Variants in USP8 observed in about 807,000 individuals in gnomAD.
USP8 encodes the protein ubiquitin carboxyl-terminal hydrolase 8.
USP8 carries 27 observed loss-of-function variants against 130.0 expected under a neutral mutation model. The ratio of observed to expected loss-of-function variants is 0.21; its 90% CI spans 0.15 to 0.29. USP8 has a LOEUF of 0.29. USP8 is among the 10% of genes least tolerant of loss of function. The probability of loss-of-function intolerance (pLI) is 1.00; values close to 1 mark genes in which losing one functional copy is unlikely to be tolerated. For missense variants in USP8, 1,029 were observed against 1,312.2 expected (o/e 0.78, Z 3.33); for synonymous variants, 392 against 444.1 (o/e 0.88, Z 1.48).
chr15:50,461,564 A>C (rs983932994), intron 5 of USP8, among the ~76,000 whole-genome samples: 1 of 152,138 alleles, frequency 6.6e-6, no homozygotes, highest in Non-Finnish European at 1.5e-5. Context: ...AAAAAATGTA[A>C]ACTACATAGG....
intron 2 of USP8, among the ~76,000 whole-genome samples, chr15:50,440,500 A>T (rs1433259790): frequency 1.3e-5 from 2 of 152,120 alleles, no homozygotes; most frequent in East Asian, 3.8e-4. Context: ...GTTAGGGAGG[A>T]TAGTTTTGGG....
rs184853947 is a variant in USP8 at position 50,467,036 on chromosome 15, G to A, written c.686+1845G>A. The stretch of plus-strand genomic sequence containing the variant: ...TGCACATCCTTTCTGAGATTGTTAA[G>A]CAGATTACTTCCATCAGTACTGAGC... On this transcript the variant is annotated intron_variant, in intron 7 of 19. Transcript: ENST00000307179. 207 of 586,598 alleles carry A rather than the reference G, an allele frequency of 3.5e-4. 2 individuals are homozygous for A. The East Asian group carries it at 6.4e-3, about 18-fold the overall frequency. 36.3% of individuals were successfully genotyped at this position (586,598 alleles called of 1,614,324 possible).
intron 14 of USP8, among the ~76,000 whole-genome samples, chr15:50,491,466 ATTC>A (rs1666509156): frequency 6.6e-6 from 1 of 152,180 alleles, no homozygotes; most frequent in African/African-American, 2.4e-5. Context: ...TTCTTGAATC[ATTC>A]TTAAGTGTGT....
At chr15:50,440,889 C>G (rs1368782342) in intron 2 of USP8, among the ~76,000 whole-genome samples, 1 of 151,862 alleles carries the variant, frequency 6.6e-6, no homozygotes, top group Non-Finnish European at 1.5e-5. Context: ...GTAATCCCAG[C>G]TACTTGGGAG....
At chr15:50,481,061 G>A (rs1018400076) in intron 10 of USP8, among the ~76,000 whole-genome samples, 5 of 151,504 alleles carry the variant, frequency 3.3e-5, no homozygotes, top group African/African-American at 7.3e-5. Context: ...CATGTTTGTC[G>A]GGGTGGGGGG....
chr15:50,450,080 A>G (rs934534351), intron 4 of USP8, among the ~76,000 whole-genome samples: 3 of 150,788 alleles, frequency 2.0e-5, no homozygotes, highest in African/African-American at 7.3e-5. Context: ...TTTTTAGTAG[A>G]GACGGGGTTT....
At chr15:50,446,847 C>T (rs1009290646) in intron 3 of USP8, among the ~76,000 whole-genome samples, 2 of 152,150 alleles carry the variant, frequency 1.3e-5, no homozygotes, top group East Asian at 1.9e-4. Flanking sequence ...CTCCCTAAAG[C>T]CTTGACCTCC....
Position 50,490,441 on chromosome 15 carries a change from A to T in USP8, c.2150A>T (p.Tyr717Phe), listed in dbSNP as rs672601310. ...GAACCTTCCAAACTGAAGCGCTCCT[A>T]CTCCTCCCCAGATATAACCCAGGCT... ...DREPSKLKRS[Y>F]SSPDITQAIQ... The change falls in exon 14 of 20, where the codon TAC (tyrosine) becomes TTC (phenylalanine). Residue 717 changes from tyrosine (Y) to phenylalanine (F), a missense_variant. Physicochemically the swap from Tyr to Phe is conservative, Grantham distance 22 (BLOSUM62 3). Transcript: ENST00000307179. 1 of 1,613,870 alleles carries T rather than the reference A, an allele frequency of 6.2e-7. No individual in the cohort carries two copies. The highest frequency in any genetic ancestry group is 1.1e-5 in the South Asian group (1 of 91,076).
Position 50,506,271 on chromosome 15 carries a change from G to A in USP8, c.*7183G>A, listed in dbSNP as rs1436117502. On this transcript the variant is annotated 3_prime_UTR_variant, in exon 20 of 20. Transcript: ENST00000307179. Reference sequence around the variant, plus strand: ...TCAGGACCTGGCTGCACAGCAGGAAGCGAGCGGCAAACCTACCCTGAGCAC... The same window carrying A: ...TCAGGACCTGGCTGCACAGCAGGAAACGAGCGGCAAACCTACCCTGAGCAC... 6.6e-6 allele frequency: 1 copy of A among 152,326 alleles called. No homozygotes were observed. Among genetic ancestry groups the A allele is most frequent in the Non-Finnish European group, 1.5e-5 (1 of 68,158 alleles). The allele number at this position is 152,326 out of a possible 1,614,324, so 9.4% of individuals were successfully genotyped here. A position where few individuals can be genotyped will look rare whatever the true frequency, so the allele number is the denominator to read the frequency against.
rs1318442108 is a variant in USP8 at position 50,506,180 on chromosome 15, GAAC to G, written c.*7097_*7099del. On this transcript the variant is annotated 3_prime_UTR_variant, in exon 20 of 20. Transcript: ENST00000307179. Reference sequence around the variant, plus strand: ...AGCTTTATCAGTTTAGTAGCAGCAAGAACAACAGGGGAAAACAACACAGCAGAG... The same window carrying G: ...AGCTTTATCAGTTTAGTAGCAGCAAGAACAGGGGAAAACAACACAGCAGAG... 1 of 152,294 alleles carries G rather than the reference GAAC, an allele frequency of 6.6e-6. No homozygotes were observed. Among genetic ancestry groups the G allele is most frequent in the Non-Finnish European group, 1.5e-5 (1 of 68,142 alleles). The allele number at this position is 152,294 out of a possible 1,614,324, so 9.4% of individuals were successfully genotyped here.
chr15:50,465,724 C>G (rs2051167670), intron 7 of USP8, among the ~76,000 whole-genome samples: 1 of 152,032 alleles, frequency 6.6e-6, no homozygotes, highest in African/African-American at 2.4e-5. Context: ...ACTGAAATTC[C>G]CTATATTTAC....
rs912965309 is a variant in USP8, at chr15:50,511,762, C to T, written c.*12674C>T. ...CTGTAATCCCAGCACCTGGGGGAGCCGAGGCAGGTGGATCACTTGACGTCT... is the reference window on the plus strand; with the variant it reads ...CTGTAATCCCAGCACCTGGGGGAGCTGAGGCAGGTGGATCACTTGACGTCT... On this transcript the variant is annotated 3_prime_UTR_variant, in exon 20 of 20. Transcript: ENST00000307179. The T allele has an allele frequency of 6.6e-6, 1 of 152,232 alleles. No individual in the cohort carries two copies. The highest frequency in any genetic ancestry group is 2.4e-5 in the African/African-American group (1 of 41,438). 9.4% of individuals were successfully genotyped at this position (152,232 alleles called of 1,614,324 possible).
intron 18 of USP8, among the ~76,000 whole-genome samples, chr15:50,498,028 A>AAC (rs2052483163): frequency 6.6e-6 from 1 of 152,210 alleles, no homozygotes. Context: ...TGGAAGTATA[A>AAC]ACATTCTATA....
rs906414320 is a variant in USP8, at chr15:50,495,898, C to G, written c.2709C>G (p.Asp903Glu). Reference protein sequence around the residue: ...YKEENNDHLDDFKAAEHAWQK... With the variant: ...YKEENNDHLDEFKAAEHAWQK... The stretch of plus-strand genomic sequence containing the variant: ...AAGAAAATAATGATCATCTCGATGA[C>G]TTTAAAGCTGCAGAACATGCCTGGC... Residue 903 changes from aspartate (D) to glutamate (E), a missense_variant, in exon 17 of 20, where the codon GAC (aspartate) becomes GAG (glutamate). By Grantham distance (45) the Asp-to-Glu change is conservative (BLOSUM62 2). Coordinates refer to ENST00000307179, the MANE Select transcript of USP8 (RefSeq NM_005154.5). 2 of 1,613,708 alleles carry G rather than the reference C, an allele frequency of 1.2e-6. No individual in the cohort carries two copies. The highest frequency in any genetic ancestry group is 3.3e-5 in the Admixed American group (2 of 59,992).
intron 14 of USP8, among the ~76,000 whole-genome samples, chr15:50,490,902 C>T (rs1476624609): frequency 6.6e-6 from 1 of 152,012 alleles, no homozygotes; most frequent in Non-Finnish European, 1.5e-5. Context: ...ACTCAAGTTC[C>T]AAACTTTTTT....
intron 7 of USP8, among the ~76,000 whole-genome samples, chr15:50,470,512 C>A (rs2051339433): frequency 6.6e-6 from 1 of 151,724 alleles, no homozygotes; most frequent in Admixed American, 6.6e-5. Flanking sequence ...AAGCCAGTGG[C>A]TGGAGCGAGT....
rs112601534 is a variant in USP8 at position 50,491,949 on chromosome 15, G to A, written c.2235-752G>A. 3.6e-3 allele frequency among the ~76,000 whole-genome samples: 543 copies of A among 152,112 alleles called. 5 individuals carry two copies. Among genetic ancestry groups the A allele is most frequent in the African/African-American group, 0.012 (514 of 41,474 alleles). On this transcript the variant is annotated intron_variant, in intron 14 of 19. Transcript: ENST00000307179. ...TGGCATGATCTCAGTTCACTGCAACGTCTGCCTCCTCAAGCGATTCTCCTG... is the reference window on the plus strand; with the variant it reads ...TGGCATGATCTCAGTTCACTGCAACATCTGCCTCCTCAAGCGATTCTCCTG...
chr15:50,439,460 A>G (rs11633765), intron 2 of USP8, among the ~76,000 whole-genome samples: 21,364 of 152,194 alleles, frequency 0.14, 1,989 homozygotes, highest in Middle Eastern at 0.28. Flanking sequence ...AAATTCAGCC[A>G]GAAGTCATTG....
rs367588309 is a variant in USP8 at position 50,437,292 on chromosome 15, C to T, written c.-65-1717C>T. On this transcript the variant is annotated intron_variant, in intron 1 of 19. Coordinates refer to ENST00000307179, the MANE Select transcript of USP8 (RefSeq NM_005154.5). Reference sequence around the variant, plus strand: ...CCTGAAGCTCCTTATATGTATCTCCCTGATTACAACTCTCCCTCTCCCAAG... The same window carrying T: ...CCTGAAGCTCCTTATATGTATCTCCTTGATTACAACTCTCCCTCTCCCAAG... Among the ~76,000 whole-genome samples the T allele has an allele frequency of 1.4e-4, 22 of 152,258 alleles. No individual in the cohort carries two copies. In the Middle Eastern group the frequency reaches 0.01, roughly 71 times the overall value.
Sources: allele counts gnomAD v4.1 joint callset (sites outside exome capture counted in the v4.1 genomes callset), GRCh38; gene constraint gnomAD v4.1.1; transcripts MANE v1.5; gene names NCBI Gene and HGNC (gene_info 2026-07-23, HGNC 2026-07-21).